Variants in SEMA5A observed in about 807,000 individuals in gnomAD.
The protein encoded by SEMA5A is semaphorin-5A.
In SEMA5A, 55 loss-of-function variants were observed where a neutral mutation model predicts 135.5. The ratio of observed to expected loss-of-function variants is 0.41; its 90% CI spans 0.33 to 0.51. The LOEUF is 0.51. Ranked by LOEUF, SEMA5A falls within the 20% of genes least tolerant of loss-of-function variation. SEMA5A has a pLI of 0.37. For synonymous variants in SEMA5A, 580 were observed against 546.5 expected (o/e 1.06, Z -0.85); for missense variants, 1,290 against 1,419.9 (o/e 0.91, Z 1.47).
intron 5 of SEMA5A, among the ~76,000 whole-genome samples, chr5:9,317,928 T>G (rs1442008896): frequency 6.6e-6 from 1 of 152,220 alleles, no homozygotes; most frequent in Admixed American, 6.5e-5. Context: ...CCTTTATTCT[T>G]TGTTATAGAT....
chr5:9,047,360 T>C (rs1376222504), intron 21 of SEMA5A, among the ~76,000 whole-genome samples: 1 of 152,234 alleles, frequency 6.6e-6, no homozygotes, highest in Non-Finnish European at 1.5e-5. Context: ...GATGATTATA[T>C]AGTCTTTGTG....
chr5:9,381,798 A>G (rs968160763), intron 2 of SEMA5A, among the ~76,000 whole-genome samples: 2 of 152,188 alleles, frequency 1.3e-5, no homozygotes, highest in African/African-American at 4.8e-5. Context: ...GGTTGTTATA[A>G]TCTGCTACAT....
At chr5:9,096,048 C>T (rs1437462016) in intron 16 of SEMA5A, among the ~76,000 whole-genome samples, 2 of 152,144 alleles carry the variant, frequency 1.3e-5, no homozygotes, top group Non-Finnish European at 1.5e-5. Flanking sequence ...TAGTAGGGTC[C>T]TATGGTAATT....
chr5:9,432,476 G>T (rs183646276), intron 2 of SEMA5A, among the ~76,000 whole-genome samples: 1 of 152,070 alleles, frequency 6.6e-6, no homozygotes, highest in African/African-American at 2.4e-5. Flanking sequence ...TGGTCTCTTT[G>T]TCTAGTTTAA....
At chr5:9,048,052 C>T (rs1736366349) in intron 21 of SEMA5A, among the ~76,000 whole-genome samples, 1 of 152,156 alleles carries the variant, frequency 6.6e-6, no homozygotes, top group Admixed American at 6.5e-5. Flanking sequence ...GAGCCTCAGG[C>T]TCTGCATGGC....
intron 4 of SEMA5A, 99 bp from the exon 5 acceptor site, chr5:9,318,516 T>G: frequency 1.0e-6 from 1 of 960,356 alleles, no homozygotes; most frequent in Non-Finnish European, 1.6e-6. Flanking sequence ...TAATTTTGAC[T>G]TCAAAAGCAT....
chr5:9,318,423 A>T lies in SEMA5A; in HGVS notation c.225-6T>A. ...GTAACCTGAAGAGGTAGTTTCTGCA[A>T]AATACAAAAACAGAGCAGTTTTATT... On this transcript the variant is annotated splice_polypyrimidine_tract_variant and splice_region_variant and intron_variant, in intron 4 of 22. Coordinates refer to ENST00000382496, the MANE Select transcript of SEMA5A (RefSeq NM_003966.3). The T allele has an allele frequency of 1.2e-6, 2 of 1,611,484 alleles. No homozygotes were observed. The highest frequency in any genetic ancestry group is 1.7e-6 in the Non-Finnish European group (2 of 1,178,692).
intron 12 of SEMA5A, among the ~76,000 whole-genome samples, chr5:9,151,310 A>G (rs1031513128): frequency 1.3e-5 from 2 of 152,232 alleles, no homozygotes; most frequent in African/African-American, 4.8e-5. Flanking sequence ...GGTAATTTAG[A>G]TAAGCAGTTT....
intron 5 of SEMA5A, among the ~76,000 whole-genome samples, chr5:9,294,953 C>G (rs1272543645): frequency 6.6e-6 from 1 of 152,190 alleles, no homozygotes; most frequent in Non-Finnish European, 1.5e-5. Flanking sequence ...CACCATCACT[C>G]AAGGTCACTA....
At chr5:9,163,617 C>T (rs1487742297) in intron 11 of SEMA5A, among the ~76,000 whole-genome samples, 2 of 152,132 alleles carry the variant, frequency 1.3e-5, no homozygotes, top group Non-Finnish European at 2.9e-5. Flanking sequence ...ACTGTGTCCA[C>T]CCAAAAGTCA....
At chr5:9,367,995 T>C (rs2126418122) in intron 3 of SEMA5A, among the ~76,000 whole-genome samples, 1 of 152,356 alleles carries the variant, frequency 6.6e-6, no homozygotes, top group East Asian at 1.9e-4. Context: ...TAGATGTTGG[T>C]GCCATGCTTG....
intron 3 of SEMA5A, among the ~76,000 whole-genome samples, chr5:9,353,538 A>G (rs554990913): frequency 6.6e-6 from 1 of 152,298 alleles, no homozygotes; most frequent in South Asian, 2.1e-4. Flanking sequence ...CTAGATATCA[A>G]TGTGGATTAG....
intron 3 of SEMA5A, among the ~76,000 whole-genome samples, chr5:9,357,709 T>C (rs1294885434): frequency 1.3e-5 from 2 of 152,094 alleles, no homozygotes; most frequent in Non-Finnish European, 2.9e-5. Context: ...CCTGGTAACA[T>C]CAAGGCGGGA....
chr5:9,244,070 C>T (rs987110078), intron 5 of SEMA5A, among the ~76,000 whole-genome samples: 2 of 152,130 alleles, frequency 1.3e-5, no homozygotes, highest in Non-Finnish European at 2.9e-5. Context: ...TTTAAAAGGA[C>T]CATGATTTGC....
intron 4 of SEMA5A, among the ~76,000 whole-genome samples, chr5:9,329,033 C>T (rs1224400884): frequency 6.6e-6 from 1 of 152,226 alleles, no homozygotes; most frequent in Non-Finnish European, 1.5e-5. Context: ...TTTTCAGCCT[C>T]ATCAGAATCT....
At chr5:9,524,752 T>A (rs1433510186) in intron 1 of SEMA5A, among the ~76,000 whole-genome samples, 2 of 152,216 alleles carry the variant, frequency 1.3e-5, no homozygotes, top group Non-Finnish European at 2.9e-5. Context: ...TTTCAACCAT[T>A]ATTAATGCAA....
intron 16 of SEMA5A, among the ~76,000 whole-genome samples, chr5:9,068,680 T>C (rs1451874135): frequency 6.6e-6 from 1 of 152,152 alleles, no homozygotes; most frequent in African/African-American, 2.4e-5. Context: ...TCACCCAATG[T>C]TGTTTTGCCA....
intron 2 of SEMA5A, among the ~76,000 whole-genome samples, chr5:9,385,863 A>T (rs1458054690): frequency 1.4e-5 from 2 of 137,960 alleles, no homozygotes; most frequent in Middle Eastern, 4.6e-3. Context: ...GTGCAACGGC[A>T]TGATCTCGGC....
At chr5:9,476,068 T>A (rs1292133474) in intron 1 of SEMA5A, among the ~76,000 whole-genome samples, 1 of 152,254 alleles carries the variant, frequency 6.6e-6, no homozygotes, top group Non-Finnish European at 1.5e-5. Context: ...TTCATTCACA[T>A]ATAATAGATA....
Sources: gnomAD v4.1 joint callset for allele counts (sites outside exome capture counted in the v4.1 genomes callset) on GRCh38, gnomAD v4.1.1 for gene constraint, MANE v1.5 for transcripts, NCBI Gene and HGNC (gene_info 2026-07-23, HGNC 2026-07-21) for gene names.